The following ELP4 variants were observed in gnomAD, a reference collection of about 807,000 sequenced individuals.
The protein encoded by ELP4 is elongator acetyltransferase complex subunit 4.
In ELP4, 51 loss-of-function variants were observed where a neutral mutation model predicts 48.9. The observed-to-expected ratio is 1.04, with a 90% CI of 0.83 to 1.32. The LOEUF (loss-of-function observed/expected upper bound fraction) is 1.32, where lower values mean the gene tolerates loss of function less well. Ranked by LOEUF, ELP4 falls within the 40% of genes most tolerant of loss-of-function variation. ELP4 has a pLI of 0.00. For synonymous variants in ELP4, 210 were observed against 189.2 expected (o/e 1.11, Z -0.90); for missense variants, 519 against 514.6 (o/e 1.01, Z -0.08).
intron 9 of ELP4, chr11:31,707,198 A>G: frequency 2.6e-6 from 1 of 388,502 alleles, no homozygotes; most frequent in Non-Finnish European, 4.5e-6. Context: ...ATTCCCACCA[A>G]CAGTGTAATA....
chr11:31,596,106 A>G (rs531271103), intron 4 of ELP4, among the ~76,000 whole-genome samples: 1 of 152,080 alleles, frequency 6.6e-6, no homozygotes, highest in South Asian at 2.1e-4. Context: ...ATATATTTTA[A>G]AATACATCTT....
rs950584452 is a variant in ELP4 at position 31,786,461 on chromosome 11, T to C, written c.*2937T>C. ...AAACACAGAAAAACAAAAAAGCAGA[T>C]GAGGTTTATTCTTGAGAAATGAAAA... On this transcript the variant is annotated 3_prime_UTR_variant, in exon 10 of 10. Coordinates refer to ENST00000640961, the MANE Select transcript of ELP4 (RefSeq NM_019040.5). The C allele has an allele frequency of 4.5e-6, 1 of 220,330 alleles. No individual in the cohort carries two copies. The highest frequency in any genetic ancestry group is 9.1e-6 in the Non-Finnish European group (1 of 109,960). 13.6% of individuals were successfully genotyped at this position (220,330 alleles called of 1,614,324 possible). A position where few individuals can be genotyped will look rare whatever the true frequency, so the allele number is the denominator to read the frequency against.
intron 5 of ELP4, among the ~76,000 whole-genome samples, chr11:31,614,852 T>G (rs1158407650): frequency 1.3e-5 from 2 of 152,156 alleles, no homozygotes; most frequent in Non-Finnish European, 2.9e-5. Context: ...AAAGTTAAGG[T>G]AAATCTAACG....
At chr11:31,572,559 C>T (rs1957206772) in intron 3 of ELP4, among the ~76,000 whole-genome samples, 1 of 152,082 alleles carries the variant, frequency 6.6e-6, no homozygotes, top group East Asian at 1.9e-4. Flanking sequence ...ATTTCGTTTT[C>T]ATTTTCTGTT....
At chr11:31,545,310 C>T (rs1261715484) in intron 3 of ELP4, among the ~76,000 whole-genome samples, 1 of 152,100 alleles carries the variant, frequency 6.6e-6, no homozygotes, top group Non-Finnish European at 1.5e-5. Context: ...GAGCTGAAAG[C>T]CAAGGCTCGA....
chr11:31,514,514 AAGTT>A, intron 1 of ELP4, among the ~76,000 whole-genome samples: 1 of 152,274 alleles, frequency 6.6e-6, no homozygotes, highest in East Asian at 1.9e-4. Context: ...TAATTTTTCT[AAGTT>A]AGGATGAAAG....
At chr11:31,664,852 T>C (rs1165111327) in intron 9 of ELP4, among the ~76,000 whole-genome samples, 1 of 152,206 alleles carries the variant, frequency 6.6e-6, no homozygotes, top group Non-Finnish European at 1.5e-5. Flanking sequence ...GTAATTTTAT[T>C]GTCTCTTTGA....
chr11:31,581,345 C>T (rs758600352), intron 3 of ELP4, among the ~76,000 whole-genome samples: 15 of 152,126 alleles, frequency 9.9e-5, no homozygotes, highest in Non-Finnish European at 2.9e-5. Context: ...TGTCTAATAA[C>T]TTGAGAGTGA....
rs139735610 is a variant in ELP4 at position 31,608,696 on chromosome 11, G to A, written c.653+4789G>A. ...GCTTTGAATTTGGCTAAAATGTTTC[G>A]GCCTACGATGGGAGTGGGGCAGTGA... is the stretch of plus-strand genomic sequence containing the variant. On this transcript the variant is annotated intron_variant, in intron 5 of 9. Transcript: ENST00000640961. Among the ~76,000 whole-genome samples the A allele has an allele frequency of 7.1e-4, 108 of 152,062 alleles. No individual in the cohort carries two copies. In the East Asian group the frequency reaches 0.019, roughly 26 times the overall value.
intron 2 of ELP4, among the ~76,000 whole-genome samples, chr11:31,531,800 T>G (rs1217446939): frequency 2.0e-5 from 3 of 152,136 alleles, no homozygotes; most frequent in Non-Finnish European, 4.4e-5. Flanking sequence ...AATATACTCT[T>G]GAGTAATGTG....
chr11:31,761,116 A>T (rs1390939481), intron 9 of ELP4, among the ~76,000 whole-genome samples: 5 of 152,110 alleles, frequency 3.3e-5, no homozygotes, highest in Admixed American at 1.3e-4. Context: ...TAATCCCACC[A>T]CTTTGGAGGC....
At chr11:31,521,885 G>A (rs376519357) in intron 2 of ELP4, among the ~76,000 whole-genome samples, 2 of 152,100 alleles carry the variant, frequency 1.3e-5, no homozygotes, top group South Asian at 2.1e-4. Context: ...TTTTGGTCCT[G>A]TGTTCTCTCA....
intron 5 of ELP4, among the ~76,000 whole-genome samples, chr11:31,609,729 A>G (rs1957940852): frequency 6.6e-6 from 1 of 152,076 alleles, no homozygotes; most frequent in Non-Finnish European, 1.5e-5. Context: ...AGTATATTCA[A>G]AAGTCTAAAT....
chr11:31,666,004 C>CTTTTTTTTTTTTTTTTTTTT (rs35902758), intron 9 of ELP4, among the ~76,000 whole-genome samples: 1 of 85,344 alleles, frequency 1.2e-5, no homozygotes, highest in African/African-American at 5.1e-5. Flanking sequence ...GTTTCAAATT[C>CTTTTTTTTTTTTTTTTTTTT]TTTTTTTTTT....
chr11:31,733,468 C>T (rs1383029396), intron 9 of ELP4, among the ~76,000 whole-genome samples: 1 of 115,330 alleles, frequency 8.7e-6, no homozygotes, highest in East Asian at 2.5e-4. Flanking sequence ...CAGAGTGAGA[C>T]TCCATCTCAA....
At chr11:31,559,674 C>T (rs979469096) in intron 3 of ELP4, among the ~76,000 whole-genome samples, 4 of 152,134 alleles carry the variant, frequency 2.6e-5, no homozygotes, top group South Asian at 2.1e-4. Flanking sequence ...GAGGCTGAGG[C>T]GGGCAGATCA....
At chr11:31,628,318 A>G (rs1041028488) in intron 6 of ELP4, 10 of 152,038 alleles carry the variant, frequency 6.6e-5, no homozygotes, top group African/African-American at 2.4e-4. Flanking sequence ...CAGGCATGTC[A>G]TAACAGTTCC....
intron 3 of ELP4, among the ~76,000 whole-genome samples, chr11:31,566,879 T>C (rs1957120269): frequency 6.6e-6 from 1 of 152,218 alleles, no homozygotes; most frequent in Non-Finnish European, 1.5e-5. Context: ...GCACAACATG[T>C]AAGGTACTTA....
intron 3 of ELP4, among the ~76,000 whole-genome samples, chr11:31,554,628 A>G (rs747470288): frequency 2.0e-5 from 3 of 152,158 alleles, no homozygotes; most frequent in Non-Finnish European, 4.4e-5. Context: ...TAAATATACA[A>G]TGCAATATTA....
Sources: allele counts gnomAD v4.1 joint callset (sites outside exome capture counted in the v4.1 genomes callset), GRCh38; gene constraint gnomAD v4.1.1; transcripts MANE v1.5; gene names NCBI Gene and HGNC (gene_info 2026-07-23, HGNC 2026-07-21).